ZNF571: variants seen among roughly 807,000 people sequenced by gnomAD.
ZNF571 encodes the protein zinc finger protein 571.
Under a neutral mutation model 7.7 loss-of-function variants are expected in ZNF571, and 4 were observed. That is an observed-to-expected ratio of 0.52 (90% CI 0.25 to 1.18). The LOEUF (loss-of-function observed/expected upper bound fraction) is 1.18. Among genes scored for constraint, ZNF571 ranks in the 50% most tolerant of loss-of-function variants. The pLI is 0.14. For synonymous variants in ZNF571, 251 were observed against 232.4 expected, an observed-to-expected ratio of 1.08 and a Z score of -0.73; for missense variants, 704 against 726.9, an observed-to-expected ratio of 0.97 and a Z score of 0.36.
chr19:37,586,319 T>G (rs1271350246), intron 2 of ZNF571: 3 of 212,614 alleles, frequency 1.4e-5, no homozygotes, highest in Non-Finnish European at 2.8e-5. Flanking sequence ...AAGATCAAAT[T>G]TTGTCATGTA....
rs149197340 is a variant in ZNF571, at chr19:37,578,688, G to T, written c.136+5283C>A. On this transcript the variant is annotated intron_variant, in intron 3 of 3. Transcript: ENST00000451802. ...CAGCACAGCGACCCTGTCCCCACCT[G>T]AACTCTGCAGGCAGGCACAGCTCCA... Among the ~76,000 whole-genome samples the T allele has an allele frequency of 1.1e-3, 163 of 151,768 alleles. 3 individuals carry two copies. Among genetic ancestry groups the T allele is most frequent in the African/African-American group, 3.8e-3 (157 of 41,372 alleles).
chr19:37,589,846 CAG>C (rs1305505751), intron 1 of ZNF571, among the ~76,000 whole-genome samples: 1 of 98,764 alleles, frequency 1.0e-5, no homozygotes, highest in Non-Finnish European at 1.8e-5. Context: ...GCCTGGGCAA[CAG>C]AGCAAGACTC....
At chr19:37,568,499 A>C (rs1344863047) in intron 3 of ZNF571, among the ~76,000 whole-genome samples, 1 of 145,836 alleles carries the variant, frequency 6.9e-6, no homozygotes, top group Admixed American at 6.7e-5. Flanking sequence ...AAGGAATCAA[A>C]TAAATTCAGT....
chr19:37,592,010 C>A (rs1412696469), intron 1 of ZNF571, among the ~76,000 whole-genome samples: 1 of 152,032 alleles, frequency 6.6e-6, no homozygotes, highest in Non-Finnish European at 1.5e-5. Flanking sequence ...GTAATCCCAG[C>A]ACTTTGGGAA....
At position 37,565,141 on chromosome 19, in the gene ZNF571, A is replaced by G; in HGVS notation, c.1287T>C (p.Ile429=). 6.2e-7 allele frequency: 1 copy of G among 1,613,390 alleles called. No individual in the cohort carries two copies. The highest frequency in any genetic ancestry group is 8.5e-7 in the Non-Finnish European group (1 of 1,179,714). ...GATGTTCACTAAGTTGTTTGCCACA[A>G]ATAAAGGCCTTTCCACATTCCTTAC... ...YKCKECGKAF[I]CGKQLSEHQR... is the part of the protein sequence containing the mutation. The change falls in exon 4 of 4, where the codon ATT becomes ATC. Residue 429 remains isoleucine, a synonymous_variant. Transcript: ENST00000451802.
In ZNF571 at chr19:37,564,455, G is replaced by A; in HGVS notation, c.*143C>T. The A allele has an allele frequency of 1.7e-6, 1 of 597,424 alleles. No individual in the cohort carries two copies. The allele number at this position is 597,424 out of a possible 1,614,324, so 37.0% of individuals were successfully genotyped here. A position where few individuals can be genotyped will look rare whatever the true frequency, so the allele number is the denominator to read the frequency against. On this transcript the variant is annotated 3_prime_UTR_variant, in exon 4 of 4. Coordinates refer to ENST00000451802, the MANE Select transcript of ZNF571 (RefSeq NM_016536.5). ...AGAGATGTTAAGGAATTATTTAAGG[G>A]GTTTCTGAAATTATTCTGCATCCAT... is the stretch of plus-strand genomic sequence containing the variant.
Position 37,565,775 on chromosome 19 carries a change from G to C in ZNF571, c.653C>G (p.Thr218Ser), listed in dbSNP as rs764603839. 5 of 1,613,624 alleles carry C rather than the reference G, an allele frequency of 3.1e-6. No homozygotes were observed. Among genetic ancestry groups the C allele is most frequent in the Non-Finnish European group, 4.2e-6 (5 of 1,179,840 alleles). ...SDLIQHQKIH[T>S]NEKPYQCNAC... ...GTTACACTGATAAGGTTTTTCATTA[G>C]TATGAATTTTCTGATGTTGAATGAG... The change falls in exon 4 of 4, where the codon ACT becomes AGT. Residue 218 changes from threonine to serine, a missense_variant. Transcript: ENST00000451802.
At position 37,566,076 on chromosome 19, in the gene ZNF571, C is replaced by T. The variant is rs1166757431; in HGVS notation, c.352G>A (p.Ala118Thr). ...MCVKITCEEK[A>T]TESHSTSSTF... ...GAAGAGGTTGAATGACTTTCAGTGG[C>T]CTTTTCTTCACAGGTAATTTTGACA... The change falls in exon 4 of 4, where the codon GCC (alanine) becomes ACC (threonine). Residue 118 changes from alanine (A) to threonine (T), a missense_variant. Transcript: ENST00000451802. 3 of 1,614,074 alleles carry T rather than the reference C, an allele frequency of 1.9e-6. No homozygotes were observed. The highest frequency in any genetic ancestry group is 3.3e-5 in the Admixed American group (2 of 60,022).
intron 3 of ZNF571, among the ~76,000 whole-genome samples, chr19:37,572,256 C>T (rs1443884125): frequency 6.6e-6 from 1 of 152,142 alleles, no homozygotes; most frequent in Non-Finnish European, 1.5e-5. Flanking sequence ...TACTGTAGTT[C>T]CCCCTTACCA....
chr19:37,565,535 T>G lies in ZNF571; in HGVS notation c.893A>C (p.Gln298Pro), dbSNP rs371497383. 10 of 1,613,704 alleles carry G rather than the reference T, an allele frequency of 6.2e-6. No individual in the cohort carries two copies. The highest frequency in any genetic ancestry group is 1.3e-5 in the African/African-American group (1 of 74,886). ...AGGTTTCTCACCACTATGAATTCTC[T>G]GATGGTAAGTAAGTTGAGAGCCAAG... ...FILGSQLTYH[Q>P]RIHSGEKPYE... Residue 298 changes from glutamine to proline, a missense_variant, in exon 4 of 4, where the codon CAG (glutamine) becomes CCG (proline). By Grantham distance (76) the Gln-to-Pro change is moderately conservative. Transcript: ENST00000451802.
chr19:37,577,440 G>A (rs2147181189), intron 3 of ZNF571, among the ~76,000 whole-genome samples: 1 of 152,192 alleles, frequency 6.6e-6, no homozygotes, highest in African/African-American at 2.4e-5. Context: ...ACAACATAAA[G>A]TATAGGAGAA....
chr19:37,577,833 G>T (rs576183513), intron 3 of ZNF571, among the ~76,000 whole-genome samples: 2 of 152,280 alleles, frequency 1.3e-5, no homozygotes, highest in African/African-American at 4.8e-5. Context: ...AAACAAAGTC[G>T]GAAGTAAATA....
In ZNF571 at chr19:37,564,762, T is replaced by C. The variant is rs748360668; in HGVS notation, c.1666A>G (p.Lys556Glu). The C allele has an allele frequency of 1.9e-6, 3 of 1,613,794 alleles. No homozygotes were observed. In the South Asian group the frequency reaches 3.3e-5, roughly 18 times the overall value. ...CCACATTCCTTACATTCATAGGGTT[T>C]CTCTCCAGTATGAGTTCTCAGATGT... ...TEHLRTHTGE[K>E]PYECKECGRA... is the part of the protein sequence containing the mutation. Residue 556 changes from lysine to glutamate, a missense_variant, in exon 4 of 4, where the codon AAA (lysine) becomes GAA (glutamate). Transcript: ENST00000451802.
intron 3 of ZNF571, chr19:37,570,111 A>G (rs2043001505): frequency 2.6e-5 from 4 of 151,520 alleles, no homozygotes; most frequent in East Asian, 1.9e-4. Flanking sequence ...ATAACCACCC[A>G]CCCTCCCCTA....
intron 3 of ZNF571, among the ~76,000 whole-genome samples, chr19:37,567,020 T>C (rs2042884952): frequency 6.6e-6 from 1 of 152,148 alleles, no homozygotes; most frequent in Non-Finnish European, 1.5e-5. Flanking sequence ...TCCTTGGTGT[T>C]AAAAAAGTGT....
At chr19:37,584,118 C>A in intron 2 of ZNF571, 21 bp from the exon 3 acceptor site, 1 of 1,613,672 alleles carries the variant, frequency 6.2e-7, no homozygotes, top group Non-Finnish European at 8.5e-7. Flanking sequence ...AAATCCATTA[C>A]AGGATGATTC....
intron 3 of ZNF571, among the ~76,000 whole-genome samples, chr19:37,583,254 T>C (rs921306585): frequency 6.6e-6 from 1 of 152,218 alleles, no homozygotes; most frequent in African/African-American, 2.4e-5. Context: ...TCAGTACGTA[T>C]GTGCTGGCTA....
intron 3 of ZNF571, among the ~76,000 whole-genome samples, chr19:37,572,926 T>A (rs1600484203): frequency 1.3e-5 from 2 of 152,164 alleles, no homozygotes; most frequent in South Asian, 2.1e-4. Flanking sequence ...ATTGAATGAC[T>A]TTCAAACTTT....
intron 2 of ZNF571, chr19:37,586,101 T>A (rs182176778): frequency 6.6e-6 from 1 of 152,646 alleles, no homozygotes; most frequent in African/African-American, 2.4e-5. Flanking sequence ...GTATAAATCA[T>A]AATTATATTG....
Sources: gnomAD v4.1 joint callset for allele counts (sites outside exome capture counted in the v4.1 genomes callset) on GRCh38, gnomAD v4.1.1 for gene constraint, MANE v1.5 for transcripts, NCBI Gene and HGNC (gene_info 2026-07-23, HGNC 2026-07-21) for gene names.